Variants in HS2ST1 observed in about 807,000 individuals in gnomAD.
HS2ST1 encodes 2-O-sulfotransferase.
A neutral mutation model predicts 42.9 loss-of-function variants in HS2ST1; 18 were observed. The ratio of observed to expected loss-of-function variants is 0.42; its 90% confidence interval spans 0.29 to 0.62. The LOEUF (loss-of-function observed/expected upper bound fraction) is 0.62. Ranked by LOEUF, HS2ST1 falls within the 20% of genes least tolerant of loss-of-function variation. The pLI is 0.21. For missense variants in HS2ST1, 334 were observed against 433.8 expected (o/e 0.77, Z 2.04); for synonymous variants, 146 against 152.9 (o/e 0.95, Z 0.33).
At chr1:86,963,403 C>T (rs887444114) in intron 1 of HS2ST1, among the ~76,000 whole-genome samples, 1 of 152,160 alleles carries the variant, frequency 6.6e-6, no homozygotes, top group African/African-American at 2.4e-5. Flanking sequence ...TAACAAAGCA[C>T]ATCTTGCACT....
intron 1 of HS2ST1, among the ~76,000 whole-genome samples, chr1:86,954,394 A>G (rs189946581): frequency 7.2e-5 from 11 of 152,346 alleles, no homozygotes; most frequent in Admixed American, 5.9e-4. Flanking sequence ...GTGAAGTGCA[A>G]TAAAATCTGT....
rs577008123 is a variant in HS2ST1 at position 87,006,586 on chromosome 1, A to G, written c.125-66348A>G. Among the ~76,000 whole-genome samples the G allele has an allele frequency of 2.0e-5, 3 of 152,236 alleles. No homozygotes were observed. In the East Asian group the frequency reaches 5.8e-4, roughly 29 times the overall value. ...TGGTTATAGATTTTAGTTAATTAGA[A>G]TGGTTAAGATGAAAATTCTGAATGA... On this transcript the variant is annotated intron_variant, in intron 1 of 6. Coordinates refer to ENST00000370550, the MANE Select transcript of HS2ST1 (RefSeq NM_012262.4).
chr1:87,097,983 C>G (rs1157635687), intron 5 of HS2ST1, 48 bp downstream of exon 5: 8 of 1,611,494 alleles, frequency 5.0e-6, no homozygotes, highest in Non-Finnish European at 6.8e-6. Flanking sequence ...CTTATTATCT[C>G]TGTAATCTGT....
chr1:86,914,822 C>G lies in HS2ST1; in HGVS notation c.-215C>G, dbSNP rs1396148944. ...CTTTTGGAGGGGGCGGCCGTTTAGT[C>G]GGCTGAGGAGAAGCGGACACCAGCG... On this transcript the variant is annotated 5_prime_UTR_variant, in exon 1 of 7. Transcript: ENST00000370550. 3 of 583,714 alleles carry G rather than the reference C, an allele frequency of 5.1e-6. No homozygotes were observed. Among genetic ancestry groups the G allele is most frequent in the Non-Finnish European group, 8.9e-6 (3 of 336,694 alleles). The allele number at this position is 583,714 out of a possible 1,614,324, so 36.2% of individuals were successfully genotyped here.
Position 87,049,577 on chromosome 1 carries a change from A to G in HS2ST1, c.125-23357A>G, listed in dbSNP as rs536681871. On this transcript the variant is annotated intron_variant, in intron 1 of 6. Coordinates refer to ENST00000370550, the MANE Select transcript of HS2ST1 (RefSeq NM_012262.4). ...AGTCCAAGTATTTGTGGACATTTCA[A>G]ATGTCTTTTCTGTTATTTTAAATTT... Among the ~76,000 whole-genome samples the G allele has an allele frequency of 7.5e-4, 114 of 152,050 alleles. 1 individual carries two copies. Among genetic ancestry groups the G allele is most frequent in the African/African-American group, 2.5e-3 (105 of 41,520 alleles).
intron 1 of HS2ST1, among the ~76,000 whole-genome samples, chr1:86,944,164 A>C (rs1437219020): frequency 6.6e-6 from 1 of 152,180 alleles, no homozygotes; most frequent in Non-Finnish European, 1.5e-5. Flanking sequence ...ATTAAGAAAA[A>C]AATTATTCGA....
At chr1:86,932,427 A>C (rs1660563863) in intron 1 of HS2ST1, 1 of 152,168 alleles carries the variant, frequency 6.6e-6, no homozygotes, top group South Asian at 2.1e-4. Flanking sequence ...TAATTCATGT[A>C]ATATACCCTC....
chr1:86,956,001 TAAAA>T (rs1647666837), intron 1 of HS2ST1, among the ~76,000 whole-genome samples: 2 of 151,610 alleles, frequency 1.3e-5, no homozygotes, highest in Admixed American at 6.6e-5. Context: ...AAAGATAAAA[TAAAA>T]AAAGGAGAAA....
chr1:87,106,558 T>TTA lies in HS2ST1; in HGVS notation c.*1865_*1866dup, dbSNP rs1652328554. 6.6e-6 allele frequency: 1 copy of TTA among 151,996 alleles called. No individual in the cohort carries two copies. The highest frequency in any genetic ancestry group is 1.5e-5 in the Non-Finnish European group (1 of 67,918). The allele number at this position is 151,996 out of a possible 1,614,324, so 9.4% of individuals were successfully genotyped here. A position where few individuals can be genotyped will look rare whatever the true frequency, so the allele number is the denominator to read the frequency against. On this transcript the variant is annotated 3_prime_UTR_variant, in exon 7 of 7. Transcript: ENST00000370550. ...GGGAACACTTCTTATGAGAAAACAT[T>TTA]TATAAACAAAAGAAACATTTATAAA...
At chr1:86,995,780 C>T (rs1421923608) in intron 1 of HS2ST1, among the ~76,000 whole-genome samples, 1 of 148,098 alleles carries the variant, frequency 6.8e-6, no homozygotes, top group Non-Finnish European at 1.5e-5. Flanking sequence ...TTAGGGATAG[C>T]AAAAAAAAAT....
chr1:87,026,785 TA>T (rs1006571754), intron 1 of HS2ST1, among the ~76,000 whole-genome samples: 3 of 151,680 alleles, frequency 2.0e-5, no homozygotes, highest in African/African-American at 7.3e-5. Flanking sequence ...ATTACCAGCT[TA>T]AAAAAAGAAG....
chr1:87,044,459 A>G (rs1650596550), intron 1 of HS2ST1, among the ~76,000 whole-genome samples: 1 of 152,228 alleles, frequency 6.6e-6, no homozygotes, highest in African/African-American at 2.4e-5. Context: ...ACATAGTGCC[A>G]TTTAACATTT....
chr1:87,029,827 A>G (rs4656136), intron 1 of HS2ST1, among the ~76,000 whole-genome samples: 129,103 of 152,158 alleles, frequency 0.85, 55,855 homozygotes, highest in East Asian at 0.99. Context: ...CAGAAGGTGA[A>G]TAAACATATT....
intron 1 of HS2ST1, among the ~76,000 whole-genome samples, chr1:86,952,477 A>G (rs962602258): frequency 6.6e-6 from 1 of 152,186 alleles, no homozygotes; most frequent in Non-Finnish European, 1.5e-5. Context: ...GTCTCAAGTG[A>G]TCTGCCTGCC....
At chr1:86,962,146 G>A (rs965800252) in intron 1 of HS2ST1, among the ~76,000 whole-genome samples, 7 of 152,104 alleles carry the variant, frequency 4.6e-5, no homozygotes, top group Admixed American at 2.6e-4. Flanking sequence ...TGTTGGGACC[G>A]TGTGCATTAC....
intron 1 of HS2ST1, among the ~76,000 whole-genome samples, chr1:87,005,664 C>T (rs1428531211): frequency 2.6e-5 from 4 of 152,096 alleles, no homozygotes; most frequent in Admixed American, 1.3e-4. Context: ...AGTTGGCCTT[C>T]GTGGCATGTT....
intron 1 of HS2ST1, among the ~76,000 whole-genome samples, chr1:86,994,234 G>T (rs1649033735): frequency 6.6e-6 from 1 of 152,160 alleles, no homozygotes; most frequent in South Asian, 2.1e-4. Flanking sequence ...AATCCATTCA[G>T]TATGATTGCA....
At chr1:86,991,290 C>T (rs192534237) in intron 1 of HS2ST1, among the ~76,000 whole-genome samples, 118 of 152,124 alleles carry the variant, frequency 7.8e-4, no homozygotes, top group Middle Eastern at 6.8e-3. Context: ...ATCTGGTAGC[C>T]CCCCTGAACA....
chr1:87,069,693 A>C (rs1439374360), intron 1 of HS2ST1, among the ~76,000 whole-genome samples: 1 of 152,210 alleles, frequency 6.6e-6, no homozygotes, highest in Non-Finnish European at 1.5e-5. Context: ...GCAAAGTAAA[A>C]ACACTTGAAA....
Sources: gnomAD v4.1 joint callset for allele counts (sites outside exome capture counted in the v4.1 genomes callset) on GRCh38, gnomAD v4.1.1 for gene constraint, MANE v1.5 for transcripts, NCBI Gene and HGNC (gene_info 2026-07-23, HGNC 2026-07-21) for gene names.